Variants in CLDN18 observed in about 807,000 individuals in gnomAD.
CLDN18 encodes claudin-18.
A neutral mutation model predicts 25.0 loss-of-function variants in CLDN18; 20 were observed. The ratio of observed to expected loss-of-function variants is 0.80; its 90% CI spans 0.56 to 1.16. The LOEUF (loss-of-function observed/expected upper bound fraction) is 1.16, where lower values mean the gene tolerates loss of function less well. Ranked by LOEUF, CLDN18 falls within the 50% of genes most tolerant of loss-of-function variation. The pLI is 0.00. For missense variants in CLDN18, 297 were observed against 345.4 expected (o/e 0.86, Z 1.11); for synonymous variants, 125 against 135.6 (o/e 0.92, Z 0.54).
At chr3:138,002,808 T>C (rs552695916) in intron 1 of CLDN18, among the ~76,000 whole-genome samples, 1 of 152,292 alleles carries the variant, frequency 6.6e-6, no homozygotes, top group South Asian at 2.1e-4. Context: ...AGTCAACCTT[T>C]TCTGGGCTGA....
At chr3:138,025,544 C>T (rs902803287) in intron 3 of CLDN18, among the ~76,000 whole-genome samples, 10 of 152,134 alleles carry the variant, frequency 6.6e-5, no homozygotes, top group African/African-American at 1.2e-4. Flanking sequence ...GGGGTACAGA[C>T]GGAGAGGGAG....
upstream of CLDN18, among the ~76,000 whole-genome samples, chr3:138,007,724 G>T (rs995009728): frequency 2.0e-5 from 3 of 152,180 alleles, no homozygotes; most frequent in African/African-American, 4.8e-5. Context: ...AAGCCTGCCT[G>T]TTGGTTGAAA....
chr3:138,024,967 A>G (rs767572852), intron 3 of CLDN18, among the ~76,000 whole-genome samples: 1 of 152,238 alleles, frequency 6.6e-6, no homozygotes, highest in Non-Finnish European at 1.5e-5. Context: ...GACAGTTCAT[A>G]GTATTTATCT....
At position 138,010,176 on chromosome 3, in the gene CLDN18, A is replaced by G. The variant is rs764118969; in HGVS notation, c.-50A>G. The G allele has an allele frequency of 3.1e-6, 5 of 1,592,386 alleles. No individual in the cohort carries two copies. Among genetic ancestry groups the G allele is most frequent in the Non-Finnish European group, 4.3e-6 (5 of 1,169,310 alleles). On this transcript the variant is annotated 5_prime_UTR_variant, in exon 1 of 5. Transcript: ENST00000183605. ...AGCGCGTTAGCTTCACACCTTCGGC[A>G]GCAGGAGGGCGGCAGCTTCTCGCAG...
At chr3:138,025,090 A>C (rs1169849140) in intron 3 of CLDN18, among the ~76,000 whole-genome samples, 1 of 152,234 alleles carries the variant, frequency 6.6e-6, no homozygotes, top group Non-Finnish European at 1.5e-5. Context: ...CTGGCTAGGA[A>C]CAGGGAAACG....
upstream of CLDN18, among the ~76,000 whole-genome samples, chr3:138,009,087 C>A (rs1942100171): frequency 6.6e-6 from 1 of 152,148 alleles, no homozygotes; most frequent in Non-Finnish European, 1.5e-5. Context: ...AATATTTTGA[C>A]CAATTCTAGT....
upstream of CLDN18, among the ~76,000 whole-genome samples, chr3:138,007,947 GT>G (rs1942087031): frequency 6.6e-6 from 1 of 152,140 alleles, no homozygotes; most frequent in Non-Finnish European, 1.5e-5. Flanking sequence ...TCATGTAACT[GT>G]TGCTTACCCT....
intron 1 of CLDN18, chr3:138,004,554 A>G (rs1300994978): frequency 6.6e-6 from 1 of 152,196 alleles, no homozygotes; most frequent in Non-Finnish European, 1.5e-5. Flanking sequence ...ATGCTTTGGC[A>G]TAAGGATGGA....
intron 1 of CLDN18, among the ~76,000 whole-genome samples, chr3:138,019,323 T>C (rs868676472): frequency 5.1e-4 from 77 of 152,352 alleles, no homozygotes; most frequent in Middle Eastern, 3.4e-3. Flanking sequence ...GCCTCTCCCA[T>C]ATTATTCTCA....
chr3:138,031,132 C>A lies in CLDN18; in HGVS notation c.777C>A (p.Asp259Glu). 6.2e-7 allele frequency: 1 copy of A among 1,613,370 alleles called. No homozygotes were observed. The highest frequency in any genetic ancestry group is 8.5e-7 in the Non-Finnish European group (1 of 1,179,782). ...TACAATCTTATCCTTCCAAGCACGA[C>A]TATGTGTAATGCTCTAAGACCTCTC... ...DEVQSYPSKH[D>E]YV is the part of the protein sequence containing the mutation. Residue 259 changes from aspartate to glutamate, a missense_variant, in exon 5 of 5, where the codon GAC (aspartate) becomes GAA (glutamate). Physicochemically the swap from Asp to Glu is conservative, Grantham distance 45. Coordinates refer to ENST00000183605, the MANE Select transcript of CLDN18 (RefSeq NM_016369.4).
At chr3:138,022,059 A>G (rs748840547) in intron 1 of CLDN18, among the ~76,000 whole-genome samples, 3 of 152,090 alleles carry the variant, frequency 2.0e-5, no homozygotes, top group Non-Finnish European at 4.4e-5. Flanking sequence ...GAGCTCAAAC[A>G]CTGTCAGGGC....
At chr3:138,027,229 A>G (rs1942337240) in intron 3 of CLDN18, among the ~76,000 whole-genome samples, 1 of 152,106 alleles carries the variant, frequency 6.6e-6, no homozygotes, top group Non-Finnish European at 1.5e-5. Context: ...TTTGGCTAGG[A>G]CTCACTCTGT....
chr3:138,007,589 G>T (rs913938551), upstream of CLDN18, among the ~76,000 whole-genome samples: 1 of 152,122 alleles, frequency 6.6e-6, no homozygotes, highest in Admixed American at 6.6e-5. Context: ...GGGTCAATAG[G>T]TGCAGCAAAC....
chr3:138,009,865 G>A, upstream of CLDN18: 1 of 270,632 alleles, frequency 3.7e-6, no homozygotes, highest in East Asian at 7.7e-5. Context: ...CCCGTGGTGG[G>A]GACACGTCAG....
intron 1 of CLDN18, 113 bp downstream of exon 1, chr3:138,010,558 C>T: frequency 7.4e-7 from 1 of 1,358,652 alleles, no homozygotes. Context: ...AGCTCTGGCT[C>T]AGAATGAAAG....
chr3:137,998,942 C>A (rs1941985694), exon 1 of CLDN18: 5 of 1,614,254 alleles, frequency 3.1e-6, no homozygotes, highest in Non-Finnish European at 4.2e-6. Context: ...ATTGCTGCCA[C>A]CTGCATGGAC....
At chr3:138,017,055 C>CAAAA (rs67937956) in intron 1 of CLDN18, among the ~76,000 whole-genome samples, 4 of 139,302 alleles carry the variant, frequency 2.9e-5, no homozygotes, top group Non-Finnish European at 4.6e-5. Flanking sequence ...GACTCTGTCT[C>CAAAA]AAAAAAAAAA....
At chr3:137,999,435 C>T (rs1454038280) in intron 1 of CLDN18, among the ~76,000 whole-genome samples, 1 of 152,188 alleles carries the variant, frequency 6.6e-6, no homozygotes, top group East Asian at 1.9e-4. Context: ...GTTCCTTCGG[C>T]CCCGGGATTC....
chr3:138,003,462 C>A (rs958377090), intron 1 of CLDN18, among the ~76,000 whole-genome samples: 1 of 152,152 alleles, frequency 6.6e-6, no homozygotes, highest in Non-Finnish European at 1.5e-5. Flanking sequence ...CACAGTGGCA[C>A]GAGAGAATGT....
Sources: gnomAD v4.1 joint callset for allele counts (sites outside exome capture counted in the v4.1 genomes callset) on GRCh38, gnomAD v4.1.1 for gene constraint, MANE v1.5 for transcripts, NCBI Gene and HGNC (gene_info 2026-07-23, HGNC 2026-07-21) for gene names.